RALGAPA2: variants seen among roughly 807,000 people sequenced by gnomAD.
The protein encoded by RALGAPA2 is ral GTPase-activating protein subunit alpha-2.
Under a neutral mutation model 230.4 loss-of-function variants are expected in RALGAPA2, and 139 were observed. That is an observed-to-expected ratio of 0.60 (90% confidence interval 0.53 to 0.69). RALGAPA2 has a LOEUF of 0.69. RALGAPA2 is among the 30% of genes least tolerant of loss of function. RALGAPA2 has a pLI of 0.00. For synonymous variants in RALGAPA2, 847 were observed against 837.8 expected (o/e 1.01, Z -0.19); for missense variants, 2,163 against 2,276.0 (o/e 0.95, Z 1.01).
At chr20:20,578,055 C>G (rs554878901) in intron 20 of RALGAPA2, among the ~76,000 whole-genome samples, 35 of 152,246 alleles carry the variant, frequency 2.3e-4, no homozygotes, top group Non-Finnish European at 3.5e-4. Context: ...GCTTTACACT[C>G]AGAAAAATTC....
chr20:20,578,078 T>C (rs2064876821), intron 20 of RALGAPA2, among the ~76,000 whole-genome samples: 2 of 152,172 alleles, frequency 1.3e-5, no homozygotes, highest in South Asian at 2.1e-4. Flanking sequence ...GCCTCAATGA[T>C]AAAATCCTAG....
At chr20:20,675,194 CA>C (rs1449212494) in intron 3 of RALGAPA2, among the ~76,000 whole-genome samples, 2 of 152,122 alleles carry the variant, frequency 1.3e-5, no homozygotes, top group Non-Finnish European at 2.9e-5. Flanking sequence ...TGTGTATCAA[CA>C]TATGTGTATC....
chr20:20,559,723 G>A (rs561494790), intron 23 of RALGAPA2, among the ~76,000 whole-genome samples: 1 of 150,222 alleles, frequency 6.7e-6, no homozygotes, highest in South Asian at 2.1e-4. Context: ...GAGGAAATAG[G>A]AGGAGGAGGG....
intron 23 of RALGAPA2, among the ~76,000 whole-genome samples, chr20:20,564,890 C>T (rs2064365106): frequency 6.6e-6 from 1 of 152,200 alleles, no homozygotes; most frequent in Admixed American, 6.5e-5. Context: ...TAAGGCCCCA[C>T]ATTAGTCCTA....
At chr20:20,615,947 TA>T in intron 13 of RALGAPA2, 95 bp downstream of exon 13, 10 of 1,037,650 alleles carry the variant, frequency 9.6e-6, no homozygotes, top group South Asian at 2.9e-5. Flanking sequence ...GTTAAGTTCG[TA>T]AAAACATTAA....
In RALGAPA2 at chr20:20,479,907, T is replaced by C. The variant is rs1602494376; in HGVS notation, c.5368-6951A>G. Among the ~76,000 whole-genome samples the C allele has an allele frequency of 2.6e-5, 4 of 152,100 alleles. No individual in the cohort carries two copies. In the South Asian group the frequency reaches 8.3e-4, roughly 32 times the overall value. On this transcript the variant is annotated intron_variant, in intron 36 of 39. Transcript: ENST00000202677. ...GGCAAATGGTCAGAATTAGTAAGAG[T>C]GTTTATCAAAGTCAATGGATACAGA...
chr20:20,406,922 G>T (rs1316885454), intron 38 of RALGAPA2, among the ~76,000 whole-genome samples: 2 of 152,200 alleles, frequency 1.3e-5, no homozygotes, highest in African/African-American at 4.8e-5. Flanking sequence ...GAAAACTTCT[G>T]TATTATCTGA....
At chr20:20,671,010 G>C (rs950391606) in intron 3 of RALGAPA2, among the ~76,000 whole-genome samples, 3 of 151,918 alleles carry the variant, frequency 2.0e-5, no homozygotes, top group Non-Finnish European at 4.4e-5. Flanking sequence ...AACTCTAAGT[G>C]GTGTACATAT....
intron 23 of RALGAPA2, among the ~76,000 whole-genome samples, chr20:20,564,979 G>C (rs889500612): frequency 6.6e-6 from 1 of 152,040 alleles, no homozygotes; most frequent in Non-Finnish European, 1.5e-5. Context: ...CCTTCTAAAG[G>C]TCTAAAGTTC....
chr20:20,664,170 G>A (rs974506848), intron 3 of RALGAPA2, among the ~76,000 whole-genome samples: 14 of 152,140 alleles, frequency 9.2e-5, no homozygotes, highest in Non-Finnish European at 1.5e-4. Flanking sequence ...GGTTGACCAC[G>A]AGTAACCAAA....
chr20:20,556,658 G>A (rs1431654735), intron 23 of RALGAPA2, among the ~76,000 whole-genome samples: 1 of 152,214 alleles, frequency 6.6e-6, no homozygotes, highest in Non-Finnish European at 1.5e-5. Flanking sequence ...TCAACAAGTT[G>A]TTGCCAGTAA....
rs576655242 is a variant in RALGAPA2, at chr20:20,568,266, G to T, written c.3156+3192C>A. On this transcript the variant is annotated intron_variant, in intron 23 of 39. Transcript: ENST00000202677. ...TAAAGCCATTTCAAACCATGTTTTC[G>T]ATCACACCAATCAACCACGAACCCA... Among the ~76,000 whole-genome samples, 3 of 152,008 alleles carry T rather than the reference G, an allele frequency of 2.0e-5. No homozygotes were observed. In the South Asian group the frequency reaches 6.2e-4, roughly 32 times the overall value.
At chr20:20,630,901 A>G (rs1184491181) in intron 9 of RALGAPA2, among the ~76,000 whole-genome samples, 1 of 151,946 alleles carries the variant, frequency 6.6e-6, no homozygotes, top group Non-Finnish European at 1.5e-5. Context: ...TATAACTCCC[A>G]TTTTCCCCAC....
At chr20:20,480,383 G>C (rs1260122346) in intron 36 of RALGAPA2, among the ~76,000 whole-genome samples, 1 of 152,204 alleles carries the variant, frequency 6.6e-6, no homozygotes, top group East Asian at 1.9e-4. Flanking sequence ...TTTGATGACT[G>C]CTGAAAATCA....
At chr20:20,639,495 T>C (rs973693779) in intron 7 of RALGAPA2, among the ~76,000 whole-genome samples, 6 of 152,180 alleles carry the variant, frequency 3.9e-5, no homozygotes, top group African/African-American at 1.4e-4. Flanking sequence ...GTTCAGCCTC[T>C]GGGCCCGCCT....
intron 16 of RALGAPA2, among the ~76,000 whole-genome samples, chr20:20,600,721 A>G (rs2065614334): frequency 6.6e-6 from 1 of 152,234 alleles, no homozygotes; most frequent in Admixed American, 6.5e-5. Context: ...TTACAGGCTC[A>G]AAGTCACTGG....
intron 17 of RALGAPA2, among the ~76,000 whole-genome samples, chr20:20,590,613 T>C (rs1396109827): frequency 6.6e-6 from 1 of 152,242 alleles, no homozygotes; most frequent in Non-Finnish European, 1.5e-5. Flanking sequence ...GGTCAAACCA[T>C]CTGTCTCCCT....
intron 3 of RALGAPA2, among the ~76,000 whole-genome samples, chr20:20,658,681 T>A (rs2146652288): frequency 6.6e-6 from 1 of 152,342 alleles, no homozygotes; most frequent in East Asian, 1.9e-4. Context: ...AGGGAATCTG[T>A]CATTCTTTTA....
intron 37 of RALGAPA2, among the ~76,000 whole-genome samples, chr20:20,458,824 A>ATATATATAGACCTATATATATAGACC (rs2061221799): frequency 2.8e-4 from 1 of 3,514 alleles, no homozygotes; most frequent in Non-Finnish European, 5.2e-4. Flanking sequence ...ATATAGACCT[A>ATATATATAGACCTATATATATAGACC]TATATATATA....
Sources: gnomAD v4.1 joint callset for allele counts (sites outside exome capture counted in the v4.1 genomes callset) on GRCh38, gnomAD v4.1.1 for gene constraint, MANE v1.5 for transcripts, NCBI Gene and HGNC (gene_info 2026-07-23, HGNC 2026-07-21) for gene names.